The following ANXA6 variants were observed in gnomAD, a reference collection of about 807,000 sequenced individuals.
ANXA6 encodes 67 kDa calelectrin.
In ANXA6, 71 loss-of-function variants were observed where a neutral mutation model predicts 95.4. The observed-to-expected ratio is 0.74, with a 90% confidence interval of 0.61 to 0.91. The LOEUF is 0.91. ANXA6 is among the 40% of genes least tolerant of loss of function. ANXA6 has a pLI of 0.00. For missense variants in ANXA6, 830 were observed against 876.4 expected (o/e 0.95, Z 0.67); for synonymous variants, 289 against 315.9 (o/e 0.91, Z 0.90).
chr5:151,105,335 G>A (rs764443329), intron 23 of ANXA6, 32 bp from the exon 24 acceptor site: 7 of 1,607,738 alleles, frequency 4.4e-6, no homozygotes, highest in East Asian at 2.2e-5. Context: ...TGCGGGGAAC[G>A]TGGTCAGAGG....
At chr5:151,137,451 C>G in intron 5 of ANXA6, 130 bp from the exon 6 acceptor site, 1 of 594,748 alleles carries the variant, frequency 1.7e-6, no homozygotes, top group East Asian at 3.0e-5. Context: ...CTCTTAGGCA[C>G]TGATTGGGAA....
intron 20 of ANXA6, among the ~76,000 whole-genome samples, chr5:151,116,656 T>C (rs1462657925): frequency 1.3e-5 from 2 of 152,210 alleles, no homozygotes; most frequent in Non-Finnish European, 2.9e-5. Context: ...ATTCCAGCCC[T>C]TGAGGAACTT....
intron 20 of ANXA6, 81 bp downstream of exon 20, chr5:151,117,046 G>C: frequency 7.5e-7 from 1 of 1,339,458 alleles, no homozygotes; most frequent in Non-Finnish European, 1.0e-6. Flanking sequence ...CACAGACAGG[G>C]CCCGGCGTAG....
intron 21 of ANXA6, among the ~76,000 whole-genome samples, 193 bp from the exon 22 acceptor site, chr5:151,110,039 A>G (rs188582026): frequency 6.6e-6 from 1 of 152,282 alleles, no homozygotes; most frequent in East Asian, 1.9e-4. Flanking sequence ...TCTCCAGTTC[A>G]CAAGGACCCT....
rs948619279 is a variant in ANXA6, at chr5:151,133,176, C to G, written c.558G>C (p.Glu186Asp). 1.9e-6 allele frequency: 3 copies of G among 1,586,890 alleles called. No homozygotes were observed. In the African/African-American group the frequency reaches 4.0e-5, roughly 21 times the overall value. Residue 186 changes from glutamate (E) to aspartate (D), a missense_variant, in exon 9 of 26, where the codon GAG becomes GAC. By Grantham distance (45) the Glu-to-Asp change is conservative. Coordinates refer to ENST00000354546, the MANE Select transcript of ANXA6 (RefSeq NM_001155.5). ...LVQQDVQDLY[E>D]AGELKWGTDE... is the part of the protein sequence containing the mutation. ...CTGTTCCCCATTTCAGTTCCCCTGCCTCGTATAGGTCCTGAAGGGGAAGAG... is the reference window on the plus strand; with the variant it reads ...CTGTTCCCCATTTCAGTTCCCCTGCGTCGTATAGGTCCTGAAGGGGAAGAG...
rs1765387077 is a variant in ANXA6, at chr5:151,128,295, A to G, written c.919-56T>C. 7.6e-6 allele frequency: 11 copies of G among 1,447,556 alleles called. No homozygotes were observed. The Admixed American group carries it at 1.3e-4, about 17-fold the overall frequency. 89.7% of individuals were successfully genotyped at this position (1,447,556 alleles called of 1,614,324 possible). ...ACCCAGCCCTGGGCTCCTCTCAGAC[A>G]AGGAGGTGAAGGTTCTGCACAGCCT... is the stretch of plus-strand genomic sequence containing the variant. On this transcript the variant is annotated intron_variant, in intron 12 of 25. Coordinates refer to ENST00000354546, the MANE Select transcript of ANXA6 (RefSeq NM_001155.5).
chr5:151,116,992 A>T, intron 20 of ANXA6, 135 bp downstream of exon 20: 1 of 653,174 alleles, frequency 1.5e-6, no homozygotes, highest in East Asian at 3.2e-5. Context: ...CAGTCTAAGT[A>T]TCAACCAATC....
chr5:151,104,174 G>A (rs1369110712), intron 24 of ANXA6, among the ~76,000 whole-genome samples: 2 of 152,170 alleles, frequency 1.3e-5, no homozygotes, highest in Non-Finnish European at 2.9e-5. Flanking sequence ...GCAGGGGAGT[G>A]CTTCTCCCCC....
Position 151,109,810 on chromosome 5 carries a change from A to G in ANXA6, c.1627T>C (p.Leu543=). Residue 543 remains leucine, a synonymous_variant, in exon 22 of 26, where the codon TTG becomes CTG. Transcript: ENST00000354546. ...AGGATCGTCATGAAACGTGTCTCCA[A>G]GGAAGTTTTGTCTCCACTAGGTGTG... ...ADTPSGDKTS[L]ETRFMTILCT... The G allele has an allele frequency of 1.2e-6, 2 of 1,611,264 alleles. No individual in the cohort carries two copies. The highest frequency in any genetic ancestry group is 2.2e-5 in the South Asian group (2 of 90,442).
intron 6 of ANXA6, among the ~76,000 whole-genome samples, chr5:151,136,849 C>T (rs1765677520): frequency 6.6e-6 from 1 of 152,202 alleles, no homozygotes; most frequent in Non-Finnish European, 1.5e-5. Flanking sequence ...GATCTTCTCT[C>T]CATTCTTTAT....
At chr5:151,149,139 C>T (rs767066056) in intron 1 of ANXA6, among the ~76,000 whole-genome samples, 5 of 143,728 alleles carry the variant, frequency 3.5e-5, no homozygotes, top group Admixed American at 7.1e-5. Context: ...CAAGGTTGCA[C>T]CACTGCACTC....
chr5:151,148,030 C>A (rs1404700852), intron 1 of ANXA6, 104 bp from the exon 2 acceptor site: 1 of 1,179,834 alleles, frequency 8.5e-7, no homozygotes, highest in Non-Finnish European at 1.2e-6. Flanking sequence ...GCCCCCAGCC[C>A]TTCAGGTTAA....
intron 20 of ANXA6, 21 bp from the exon 21 acceptor site, chr5:151,110,665 G>C (rs1239195632): frequency 2.5e-6 from 4 of 1,613,128 alleles, no homozygotes; most frequent in African/African-American, 2.7e-5. Context: ...GGAGGGGAGA[G>C]AGGAGGGAGA....
In ANXA6 at chr5:151,110,646, T is replaced by C; in HGVS notation, c.1573-2A>G. On this transcript the variant is annotated splice_acceptor_variant, in intron 20 of 25. Transcript: ENST00000354546. LOFTEE classifies it high-confidence loss of function. ...ACTCACCAAGATCTCAGCAGCCACC[T>C]GAGAGCAGGGAGGGGAGAGAGGAGG... The C allele has an allele frequency of 1.2e-6, 2 of 1,613,018 alleles. No homozygotes were observed. Among genetic ancestry groups the C allele is most frequent in the Non-Finnish European group, 1.7e-6 (2 of 1,179,382 alleles).
chr5:151,149,179 C>CAAA (rs36120948), intron 1 of ANXA6, among the ~76,000 whole-genome samples: 685 of 46,842 alleles, frequency 0.015, 55 homozygotes, highest in African/African-American at 0.048. Flanking sequence ...AGCCCTGTCT[C>CAAA]AAAAAAAAAA....
In ANXA6 at chr5:151,117,146, T is replaced by C; in HGVS notation, c.1553A>G (p.Gln518Arg). 1.3e-6 allele frequency: 2 copies of C among 1,593,044 alleles called. No individual in the cohort carries two copies. Among genetic ancestry groups the C allele is most frequent in the Non-Finnish European group, 1.7e-6 (2 of 1,168,076 alleles). ...HREEGGENLD[Q>R]AREDAQVAAE... Reference sequence around the variant, plus strand: ...TCTTACCTGGGCATCTTCCCGTGCCTGGTCCAGGTTTTCTCCTCCCTCCTC... The same window carrying C: ...TCTTACCTGGGCATCTTCCCGTGCCCGGTCCAGGTTTTCTCCTCCCTCCTC... The change falls in exon 20 of 26, where the codon CAG becomes CGG. Residue 518 changes from glutamine to arginine, a missense_variant. Coordinates refer to ENST00000354546, the MANE Select transcript of ANXA6 (RefSeq NM_001155.5).
At chr5:151,112,356 T>C (rs1008030770) in intron 20 of ANXA6, among the ~76,000 whole-genome samples, 1 of 152,212 alleles carries the variant, frequency 6.6e-6, no homozygotes, top group African/African-American at 2.4e-5. Context: ...CTTAAGAAAC[T>C]GTCGAGACAC....
intron 20 of ANXA6, among the ~76,000 whole-genome samples, chr5:151,116,729 C>A (rs368297041): frequency 6.6e-6 from 1 of 152,154 alleles, no homozygotes; most frequent in Non-Finnish European, 1.5e-5. Context: ...GATAATAAAC[C>A]GAGGCCTTTA....
At chr5:151,108,649 T>A in intron 22 of ANXA6, 99 bp from the exon 23 acceptor site, 1 of 1,020,518 alleles carries the variant, frequency 9.8e-7, no homozygotes, top group Non-Finnish European at 1.5e-6. Context: ...AGGCTGTGCC[T>A]GAGAAAGTGG....
Sources: gnomAD v4.1 joint callset for allele counts (sites outside exome capture counted in the v4.1 genomes callset) on GRCh38, gnomAD v4.1.1 for gene constraint, MANE v1.5 for transcripts, NCBI Gene and HGNC (gene_info 2026-07-23, HGNC 2026-07-21) for gene names.